Variants in ATXN1 observed in about 807,000 individuals in gnomAD.
ATXN1 encodes the protein ataxin 1.
A neutral mutation model predicts 56.4 loss-of-function variants in ATXN1; 8 were observed. The observed-to-expected ratio is 0.14, with a 90% CI of 0.08 to 0.26. The LOEUF (loss-of-function observed/expected upper bound fraction) is 0.26. Among genes scored for constraint, ATXN1 ranks in the 10% least tolerant of loss-of-function variants. The pLI is 1.00. For missense variants in ATXN1, 987 were observed against 1,106.5 expected (o/e 0.89, Z 1.53); for synonymous variants, 514 against 494.6 (o/e 1.04, Z -0.52).
At chr6:16,383,569 C>G (rs915256607) in intron 6 of ATXN1, among the ~76,000 whole-genome samples, 2 of 152,126 alleles carry the variant, frequency 1.3e-5, no homozygotes, top group Admixed American at 1.3e-4. Flanking sequence ...CCTTCCCCAC[C>G]ACACACACTT....
intron 2 of ATXN1, chr6:16,666,907 G>A (rs1418804922): frequency 6.6e-6 from 1 of 152,112 alleles, no homozygotes; most frequent in Non-Finnish European, 1.5e-5. Flanking sequence ...CATGGAAAGA[G>A]ATTCAGAAAG....
intron 6 of ATXN1, among the ~76,000 whole-genome samples, chr6:16,389,536 G>T: frequency 6.6e-6 from 1 of 152,108 alleles, no homozygotes; most frequent in East Asian, 1.9e-4. Flanking sequence ...TCTTTAGGCT[G>T]TAAGACTACT....
chr6:16,451,243 G>A (rs899651000), intron 6 of ATXN1, among the ~76,000 whole-genome samples: 8 of 152,182 alleles, frequency 5.3e-5, no homozygotes, highest in African/African-American at 1.9e-4. Context: ...CCAGGTGGGT[G>A]GATCACCAAA....
At chr6:16,741,963 A>G (rs1760354694) in intron 2 of ATXN1, among the ~76,000 whole-genome samples, 1 of 152,246 alleles carries the variant, frequency 6.6e-6, no homozygotes, top group Admixed American at 6.5e-5. Context: ...AGAAAGGTTC[A>G]AGGGGTTACA....
chr6:16,553,372 A>G (rs1045322431), intron 4 of ATXN1, among the ~76,000 whole-genome samples: 6 of 152,176 alleles, frequency 3.9e-5, no homozygotes, highest in African/African-American at 1.4e-4. Context: ...CTTGACCCTC[A>G]TGGAAGTCCT....
At chr6:16,629,275 A>G (rs934726958) in intron 3 of ATXN1, among the ~76,000 whole-genome samples, 1 of 152,086 alleles carries the variant, frequency 6.6e-6, no homozygotes, top group Non-Finnish European at 1.5e-5. Flanking sequence ...TCTTCTTTTG[A>G]AAAGTGTCTG....
At chr6:16,652,655 T>G (rs1351277317) in intron 3 of ATXN1, among the ~76,000 whole-genome samples, 2 of 152,222 alleles carry the variant, frequency 1.3e-5, no homozygotes. Flanking sequence ...CTTCTGTAGC[T>G]GACAACCTGG....
chr6:16,651,697 C>T (rs1763895950), intron 3 of ATXN1, among the ~76,000 whole-genome samples: 1 of 152,138 alleles, frequency 6.6e-6, no homozygotes, highest in Admixed American at 6.5e-5. Flanking sequence ...ATTGAAGACA[C>T]CTATGTGATA....
intron 2 of ATXN1, among the ~76,000 whole-genome samples, chr6:16,668,148 A>G (rs1220787229): frequency 6.6e-6 from 1 of 152,166 alleles, no homozygotes; most frequent in East Asian, 1.9e-4. Context: ...TCTCTAATTG[A>G]GTGAGGACTA....
chr6:16,438,763 A>C (rs976032746), intron 6 of ATXN1, among the ~76,000 whole-genome samples: 3 of 152,212 alleles, frequency 2.0e-5, no homozygotes, highest in African/African-American at 7.2e-5. Context: ...TAATAGCAAC[A>C]CTTCTTAAGT....
intron 2 of ATXN1, among the ~76,000 whole-genome samples, chr6:16,665,915 C>T (rs745576280): frequency 3.9e-5 from 6 of 152,184 alleles, no homozygotes; most frequent in Non-Finnish European, 8.8e-5. Flanking sequence ...TTTTTTGATA[C>T]AAGCACACAA....
At chr6:16,433,558 T>C (rs1048598790) in intron 6 of ATXN1, among the ~76,000 whole-genome samples, 1 of 152,158 alleles carries the variant, frequency 6.6e-6, no homozygotes, top group African/African-American at 2.4e-5. Flanking sequence ...CCAGAGGAAG[T>C]TGTGATAAAG....
chr6:16,429,126 G>A lies in ATXN1; in HGVS notation c.-161+56846C>T, dbSNP rs572869525. On this transcript the variant is annotated intron_variant, in intron 6 of 7. Coordinates refer to ENST00000436367, the MANE Select transcript of ATXN1 (RefSeq NM_001128164.2). ...ACCTGTTCCCTCCTCACTAGGTGAT[G>A]GAGGCAGAGAGGACACTGAAGAGAG... 7.2e-4 allele frequency among the ~76,000 whole-genome samples: 109 copies of A among 152,186 alleles called. 1 individual carries two copies. In the Middle Eastern group the frequency reaches 0.024, roughly 33 times the overall value.
chr6:16,561,297 T>C (rs981046564), intron 4 of ATXN1, among the ~76,000 whole-genome samples: 3 of 152,216 alleles, frequency 2.0e-5, no homozygotes. Context: ...TCTGATTAAC[T>C]GCAAAATGGT....
intron 5 of ATXN1, among the ~76,000 whole-genome samples, chr6:16,488,333 T>C: frequency 6.6e-6 from 1 of 152,310 alleles, no homozygotes; most frequent in Admixed American, 6.5e-5. Flanking sequence ...AAAACATCTT[T>C]AGGACCTTGG....
At chr6:16,703,607 CTA>C (rs1561815189) in intron 2 of ATXN1, among the ~76,000 whole-genome samples, 1 of 152,154 alleles carries the variant, frequency 6.6e-6, no homozygotes, top group Non-Finnish European at 1.5e-5. Flanking sequence ...TTAACAATGA[CTA>C]TACTGGGCTG....
intron 6 of ATXN1, among the ~76,000 whole-genome samples, chr6:16,358,336 GA>G (rs1000120282): frequency 6.6e-6 from 1 of 152,192 alleles, no homozygotes; most frequent in African/African-American, 2.4e-5. Context: ...GACGTCTTAT[GA>G]AAAAGATACT....
intron 6 of ATXN1, among the ~76,000 whole-genome samples, chr6:16,472,614 T>G (rs1760241706): frequency 6.6e-6 from 1 of 152,216 alleles, no homozygotes; most frequent in South Asian, 2.1e-4. Context: ...TATCACACAC[T>G]TCTTTATCAG....
rs538567053 is a variant in ATXN1 at position 16,733,567 on chromosome 6, G to GA, written c.-615+19665dup. 2.1e-4 allele frequency among the ~76,000 whole-genome samples: 30 copies of GA among 144,738 alleles called. No homozygotes were observed. The East Asian group carries it at 2.7e-3, about 13-fold the overall frequency. The allele number at this position is 144,738 out of a possible 152,430, so 95.0% of individuals were successfully genotyped here. On this transcript the variant is annotated intron_variant, in intron 2 of 7. Transcript: ENST00000436367. Reference sequence around the variant, plus strand: ...CAACAGACTGAGAACTGACCTCTTGGAAAAAAAAAAGAAACAGGCCAGGCA... The same window carrying GA: ...CAACAGACTGAGAACTGACCTCTTGGAAAAAAAAAAAGAAACAGGCCAGGCA...
Sources: allele counts gnomAD v4.1 joint callset (sites outside exome capture counted in the v4.1 genomes callset), GRCh38; gene constraint gnomAD v4.1.1; transcripts MANE v1.5; gene names NCBI Gene and HGNC (gene_info 2026-07-23, HGNC 2026-07-21).